FBXL20: variants seen among roughly 807,000 people sequenced by gnomAD.
The protein encoded by FBXL20 is F-box/LRR-repeat protein 20.
In FBXL20, 11 loss-of-function variants were observed where a neutral mutation model predicts 64.0. The ratio of observed to expected loss-of-function variants is 0.17; its 90% CI spans 0.11 to 0.28. The LOEUF (loss-of-function observed/expected upper bound fraction) is 0.28, where lower values mean the gene tolerates loss of function less well. FBXL20 is among the 10% of genes least tolerant of loss of function. The pLI, the probability that FBXL20 is intolerant of heterozygous loss-of-function variation, is 1.00. For synonymous variants in FBXL20, 184 were observed against 189.0 expected, an observed-to-expected ratio of 0.97 and a Z score of 0.22; for missense variants, 303 against 526.2, an observed-to-expected ratio of 0.58 and a Z score of 4.15.
chr17:39,325,065 G>A (rs760506093), intron 2 of FBXL20, among the ~76,000 whole-genome samples: 1 of 152,046 alleles, frequency 6.6e-6, no homozygotes, highest in East Asian at 1.9e-4. Flanking sequence ...AAAATTAGCC[G>A]GGCGTGGTGG....
chr17:39,336,959 TCCTCTCCCTCCTCTC>T (rs922706436), intron 2 of FBXL20, among the ~76,000 whole-genome samples: 12 of 150,898 alleles, frequency 8.0e-5, no homozygotes, highest in Non-Finnish European at 2.9e-5. Context: ...TCCCTCTCCC[TCCTCTCCCTCCTCTC>T]CCTCTCCCTC....
At chr17:39,265,274 G>T in intron 13 of FBXL20, 123 bp downstream of exon 13, 2 of 670,346 alleles carry the variant, frequency 3.0e-6, no homozygotes, top group South Asian at 2.1e-5. Context: ...CAGTAAGCTG[G>T]CAGTTTGAAG....
At chr17:39,326,054 A>G (rs1267305389) in intron 2 of FBXL20, among the ~76,000 whole-genome samples, 1 of 152,068 alleles carries the variant, frequency 6.6e-6, no homozygotes, top group African/African-American at 2.4e-5. Flanking sequence ...CTGGTTGTTT[A>G]AGAGTCTGGG....
rs982051755 is a variant in FBXL20 at position 39,279,732 on chromosome 17, CA to C, written c.696+1656del. ...CCAACATGGCAAAACCCCATCTCTA[CA>C]AAAAAAATACAAAAATTAGCTGAGT... On this transcript the variant is annotated intron_variant, in intron 9 of 14. Coordinates refer to ENST00000264658, the MANE Select transcript of FBXL20 (RefSeq NM_032875.3). 4.6e-5 allele frequency among the ~76,000 whole-genome samples: 7 copies of C among 151,286 alleles called. No individual in the cohort carries two copies. In the East Asian group the frequency reaches 1.2e-3, roughly 25 times the overall value.
At chr17:39,336,044 C>T (rs1179970325) in intron 2 of FBXL20, among the ~76,000 whole-genome samples, 1 of 151,880 alleles carries the variant, frequency 6.6e-6, no homozygotes, top group Non-Finnish European at 1.5e-5. Context: ...ATCGTTTAGG[C>T]CCAGGAGTTT....
At chr17:39,330,546 G>C (rs146363615) in intron 2 of FBXL20, among the ~76,000 whole-genome samples, 1 of 151,880 alleles carries the variant, frequency 6.6e-6, no homozygotes, top group Non-Finnish European at 1.5e-5. Context: ...CCTGGGAAGC[G>C]GAGGTTGCAG....
At chr17:39,392,186 T>C (rs1014877199) in intron 1 of FBXL20, among the ~76,000 whole-genome samples, 3 of 151,902 alleles carry the variant, frequency 2.0e-5, no homozygotes, top group African/African-American at 7.3e-5. Context: ...ATGCCTATAA[T>C]CCCAGCACTT....
chr17:39,306,154 CTTTT>C (rs113757275), intron 2 of FBXL20, among the ~76,000 whole-genome samples: 2 of 140,714 alleles, frequency 1.4e-5, no homozygotes, highest in African/African-American at 5.2e-5. Context: ...AGAGTGAGTT[CTTTT>C]TTTTTTTTTT....
chr17:39,385,336 C>T (rs2144663815), intron 1 of FBXL20, among the ~76,000 whole-genome samples: 1 of 152,162 alleles, frequency 6.6e-6, no homozygotes, highest in East Asian at 1.9e-4. Flanking sequence ...CACACACACA[C>T]ACACATAAAT....
chr17:39,298,884 T>C, intron 5 of FBXL20, 106 bp downstream of exon 5: 1 of 820,896 alleles, frequency 1.2e-6, no homozygotes, highest in South Asian at 1.5e-5. Context: ...AATGTGTGGT[T>C]GCATTTTTAA....
chr17:39,307,742 G>C (rs992487673), intron 2 of FBXL20, among the ~76,000 whole-genome samples: 1 of 148,474 alleles, frequency 6.7e-6, no homozygotes, highest in Non-Finnish European at 1.5e-5. Flanking sequence ...AGGCCGAGGC[G>C]GGTGGATCAC....
upstream of FBXL20, chr17:39,401,930 A>G (rs1005929177): frequency 7.1e-6 from 3 of 422,308 alleles, no homozygotes; most frequent in African/African-American, 6.1e-5. Flanking sequence ...TGTGGGGCGG[A>G]TGCGAGTGCG....
intron 5 of FBXL20, 59 bp from the exon 6 acceptor site, chr17:39,297,254 A>G: frequency 1.0e-6 from 1 of 962,904 alleles, no homozygotes. Flanking sequence ...CAGTCATTAA[A>G]AAAGTAATAA....
intron 1 of FBXL20, among the ~76,000 whole-genome samples, chr17:39,370,750 G>T (rs1027710076): frequency 1.4e-5 from 2 of 146,010 alleles, no homozygotes; most frequent in Admixed American, 6.8e-5. Flanking sequence ...AGCCGAGATC[G>T]CGCCACTGCA....
At position 39,375,443 on chromosome 17, in the gene FBXL20, T is replaced by C. The variant is rs562425344; in HGVS notation, c.42+25918A>G. Among the ~76,000 whole-genome samples the C allele has an allele frequency of 2.1e-4, 32 of 152,228 alleles. No homozygotes were observed. In the South Asian group the frequency reaches 5.6e-3, roughly 27 times the overall value. On this transcript the variant is annotated intron_variant, in intron 1 of 14. Coordinates refer to ENST00000264658, the MANE Select transcript of FBXL20 (RefSeq NM_032875.3). ...CTGGCAAAAATCAAATATTTACAGT[T>C]AGATAGAAGATACAAGTTCTATTGT...
chr17:39,353,488 A>G (rs935977739), intron 1 of FBXL20, among the ~76,000 whole-genome samples: 10 of 152,150 alleles, frequency 6.6e-5, no homozygotes, highest in Admixed American at 2.6e-4. Flanking sequence ...TCATAGGTAT[A>G]TAAGTATAGA....
chr17:39,303,273 CATA>C (rs1230740380), intron 3 of FBXL20, among the ~76,000 whole-genome samples: 1 of 150,958 alleles, frequency 6.6e-6, no homozygotes, highest in African/African-American at 2.4e-5. Context: ...ACTAGGAAAA[CATA>C]ATAAAACAAG....
chr17:39,313,376 G>T (rs776559551), intron 2 of FBXL20, among the ~76,000 whole-genome samples: 28 of 151,826 alleles, frequency 1.8e-4, no homozygotes, highest in Non-Finnish European at 4.0e-4. Flanking sequence ...TGGAATTACA[G>T]GCGCCTGCCA....
chr17:39,345,766 C>T (rs1349267840), intron 1 of FBXL20, among the ~76,000 whole-genome samples: 1 of 152,098 alleles, frequency 6.6e-6, no homozygotes, highest in African/African-American at 2.4e-5. Context: ...GTCTCAAACT[C>T]CTGAGCTCAA....
Sources: allele counts gnomAD v4.1 joint callset (sites outside exome capture counted in the v4.1 genomes callset), GRCh38; gene constraint gnomAD v4.1.1; transcripts MANE v1.5; gene names NCBI Gene and HGNC (gene_info 2026-07-23, HGNC 2026-07-21).